MOCOS: variants seen among roughly 807,000 people sequenced by gnomAD.
MOCOS encodes the protein human molybdenum cofactor sulfurase.
Under a neutral mutation model 83.6 loss-of-function variants are expected in MOCOS, and 86 were observed. That is an observed-to-expected ratio of 1.03 (90% CI 0.86 to 1.23). The LOEUF is 1.23. Among genes scored for constraint, MOCOS ranks in the 50% most tolerant of loss-of-function variants. The pLI is 0.00. For missense variants in MOCOS, 1,120 were observed against 1,126.9 expected (o/e 0.99, Z 0.09); for synonymous variants, 445 against 434.7 (o/e 1.02, Z -0.29).
chr18:36,210,579 G>A (rs1458359539), intron 6 of MOCOS, among the ~76,000 whole-genome samples: 2 of 151,928 alleles, frequency 1.3e-5, no homozygotes, highest in East Asian at 1.9e-4. Context: ...GCCTGGGTGC[G>A]GTGGCTCACA....
At chr18:36,218,809 T>A (rs1469227340) in intron 8 of MOCOS, among the ~76,000 whole-genome samples, 2 of 151,674 alleles carry the variant, frequency 1.3e-5, no homozygotes, top group African/African-American at 4.8e-5. Context: ...CATAAGCCAC[T>A]GCGCCCAGCT....
chr18:36,259,917 GCACAGGC>G (rs2091657271), intron 12 of MOCOS, 113 bp from the exon 13 acceptor site: 1 of 1,378,232 alleles, frequency 7.3e-7, no homozygotes, highest in African/African-American at 1.4e-5. Context: ...ATTATCCAGG[GCACAGGC>G]CACAGTAGAG....
In MOCOS at chr18:36,215,853, G is replaced by A. The variant is rs149306592; in HGVS notation, c.1673G>A (p.Cys558Tyr). ...VNAVPVAPPV[C>Y]DVARTQPTPS... ...GCTGTGCCTGTGGCCCCACCTGTGT[G>A]TGATGTCGCCAGAACCCAGCCGACT... Residue 558 changes from cysteine (C) to tyrosine (Y), a missense_variant, in exon 8 of 15, where the codon TGT (cysteine) becomes TAT (tyrosine). Physicochemically the swap from Cys to Tyr is radical, Grantham distance 194. Coordinates refer to ENST00000261326, the MANE Select transcript of MOCOS (RefSeq NM_017947.4). 32 of 1,614,116 alleles carry A rather than the reference G, an allele frequency of 2.0e-5. No individual in the cohort carries two copies. The African/African-American group carries it at 3.9e-4, about 20-fold the overall frequency.
At chr18:36,192,423 G>A (rs560724397) in intron 1 of MOCOS, among the ~76,000 whole-genome samples, 1 of 152,306 alleles carries the variant, frequency 6.6e-6, no homozygotes, top group South Asian at 2.1e-4. Context: ...ACTGAAAATT[G>A]TAAAACATCA....
At chr18:36,213,931 C>T (rs1322485493) in intron 7 of MOCOS, among the ~76,000 whole-genome samples, 1 of 141,836 alleles carries the variant, frequency 7.1e-6, no homozygotes, top group Non-Finnish European at 1.5e-5. Context: ...ACTCCATCCC[C>T]CTCCAACCAA....
chr18:36,228,003 TA>T (rs1448480375), intron 9 of MOCOS, among the ~76,000 whole-genome samples: 1 of 151,606 alleles, frequency 6.6e-6, no homozygotes, highest in African/African-American at 2.4e-5. Flanking sequence ...AACAACCCCA[TA>T]AAAAGTAGGC....
intron 9 of MOCOS, among the ~76,000 whole-genome samples, chr18:36,243,969 A>T (rs1481646256): frequency 1.3e-5 from 2 of 151,962 alleles, no homozygotes; most frequent in African/African-American, 4.8e-5. Context: ...AATATTGCCC[A>T]TTTCATTTCT....
At chr18:36,203,652 T>C (rs3826605) in intron 5 of MOCOS, among the ~76,000 whole-genome samples, 14,031 of 152,284 alleles carry the variant, frequency 0.092, 860 homozygotes, top group African/African-American at 0.17. Flanking sequence ...CAAGTCATAC[T>C]GATGCCTAAC....
chr18:36,198,069 A>G (rs187970814), intron 2 of MOCOS, among the ~76,000 whole-genome samples: 1 of 152,148 alleles, frequency 6.6e-6, no homozygotes, highest in East Asian at 1.9e-4. Flanking sequence ...TGGCATAGCC[A>G]GTAGTTTGTT....
intron 9 of MOCOS, among the ~76,000 whole-genome samples, chr18:36,224,830 T>C (rs1447507736): frequency 6.6e-6 from 1 of 152,148 alleles, no homozygotes; most frequent in African/African-American, 2.4e-5. Context: ...TTGAGAAGAT[T>C]TAGTATTAAT....
At position 36,210,850 on chromosome 18, in the gene MOCOS, CAAAAAAAAAAAAA is replaced by C. The variant is rs60856965; in HGVS notation, c.1219-2498_1219-2486del. Among the ~76,000 whole-genome samples the C allele has an allele frequency of 1.8e-3, 87 of 48,064 alleles. 3 individuals are homozygous for C. The highest frequency in any genetic ancestry group is 5.1e-3 in the African/African-American group (56 of 10,924). The allele number at this position is 48,064 out of a possible 152,430, so 31.5% of individuals were successfully genotyped here. ...TGGGTGACAGAGCAAGACTCTGTCT[CAAAAAAAAAAAAA>C]AAAAAAAAAAAAAAAAAGTAACTGT... On this transcript the variant is annotated intron_variant, in intron 6 of 14. Transcript: ENST00000261326.
intron 9 of MOCOS, among the ~76,000 whole-genome samples, chr18:36,241,592 G>A (rs1187403393): frequency 2.0e-5 from 3 of 152,180 alleles, no homozygotes; most frequent in African/African-American, 4.8e-5. Flanking sequence ...GAGGACAGTG[G>A]CCCTCTTCTC....
At position 36,222,448 on chromosome 18, in the gene MOCOS, A is replaced by G. The variant is rs562629394; in HGVS notation, c.1960+2231A>G. 3.9e-5 allele frequency among the ~76,000 whole-genome samples: 6 copies of G among 152,214 alleles called. No homozygotes were observed. The East Asian group carries it at 9.7e-4, about 24-fold the overall frequency. On this transcript the variant is annotated intron_variant, in intron 9 of 14. Coordinates refer to ENST00000261326, the MANE Select transcript of MOCOS (RefSeq NM_017947.4). Reference sequence around the variant, plus strand: ...ACAATAGCCATCCTGACAGGGGTAGAGTGATATCTCATTTTGATTTCAATT... The same window carrying G: ...ACAATAGCCATCCTGACAGGGGTAGGGTGATATCTCATTTTGATTTCAATT...
Position 36,268,654 on chromosome 18 carries a change from C to T in MOCOS, c.2636C>T (p.Ala879Val). The T allele has an allele frequency of 1.2e-6, 2 of 1,613,814 alleles. No individual in the cohort carries two copies. Among genetic ancestry groups the T allele is most frequent in the Admixed American group, 1.7e-5 (1 of 59,978 alleles). ...AATGTGGAAGGTCATGATTTACCTG[C>T]ATCTGAGAAACACCAGGATGTTACC... Reference protein sequence around the residue: ...KENVEGHDLPASEKHQDVTS With the variant: ...KENVEGHDLPVSEKHQDVTS Residue 879 changes from alanine (A) to valine (V), a missense_variant, in exon 15 of 15, where the codon GCA becomes GTA. Transcript: ENST00000261326.
At position 36,265,889 on chromosome 18, in the gene MOCOS, G is replaced by T. The variant is rs561696060; in HGVS notation, c.2410-860G>T. On this transcript the variant is annotated intron_variant, in intron 13 of 14. Transcript: ENST00000261326. ...CGTGCATGATATAATTTTAATGCCT[G>T]AACCGTATACATCATATATATGTAG... Among the ~76,000 whole-genome samples, 11 of 152,200 alleles carry T rather than the reference G, an allele frequency of 7.2e-5. No homozygotes were observed. In the East Asian group the frequency reaches 2.1e-3, roughly 29 times the overall value.
chr18:36,195,749 C>G (rs2091384920), intron 2 of MOCOS, among the ~76,000 whole-genome samples: 1 of 152,190 alleles, frequency 6.6e-6, no homozygotes, highest in African/African-American at 2.4e-5. Context: ...ATAATGGGAA[C>G]AAAATAAACA....
intron 9 of MOCOS, among the ~76,000 whole-genome samples, chr18:36,223,409 G>T (rs1431546800): frequency 6.6e-6 from 1 of 152,102 alleles, no homozygotes; most frequent in Non-Finnish European, 1.5e-5. Context: ...TATATGCATG[G>T]ATTTATATCT....
intron 6 of MOCOS, among the ~76,000 whole-genome samples, chr18:36,210,871 A>AAAAAAAAAAAAAAG (rs1352361694): frequency 1.2e-4 from 18 of 145,460 alleles, no homozygotes; most frequent in Non-Finnish European, 2.1e-4. Flanking sequence ...AAAAAAAAAA[A>AAAAAAAAAAAAAAG]AAAAAAAAAG....
In MOCOS at chr18:36,269,722, C is replaced by G. The variant is rs2091693123; in HGVS notation, c.*1037C>G. The G allele has an allele frequency of 1.3e-5, 2 of 152,404 alleles. No homozygotes were observed. The highest frequency in any genetic ancestry group is 4.1e-4 in the South Asian group (2 of 4,822). The allele number at this position is 152,404 out of a possible 1,614,324, so 9.4% of individuals were successfully genotyped here. A position where few individuals can be genotyped will look rare whatever the true frequency, so the allele number is the denominator to read the frequency against. On this transcript the variant is annotated 3_prime_UTR_variant, in exon 15 of 15. Coordinates refer to ENST00000261326, the MANE Select transcript of MOCOS (RefSeq NM_017947.4). ...TCATTCTGCTGGCGTCCTTCTGAAG[C>G]CTGCTGTCCATGTGTGAACCCAGTC...
Sources: allele counts gnomAD v4.1 joint callset (sites outside exome capture counted in the v4.1 genomes callset), GRCh38; gene constraint gnomAD v4.1.1; transcripts MANE v1.5; gene names NCBI Gene and HGNC (gene_info 2026-07-23, HGNC 2026-07-21).